NPHP1: variants seen among roughly 807,000 people sequenced by gnomAD.
The protein encoded by NPHP1 is nephrocystin-1.
Under a neutral mutation model 90.4 loss-of-function variants are expected in NPHP1, and 70 were observed. The observed-to-expected ratio is 0.77, with a 90% CI of 0.64 to 0.95. The LOEUF (loss-of-function observed/expected upper bound fraction) is 0.95. Ranked by LOEUF, NPHP1 falls within the 40% of genes least tolerant of loss-of-function variation. The pLI is 0.00. For synonymous variants in NPHP1, 256 were observed against 271.7 expected, an observed-to-expected ratio of 0.94 and a Z score of 0.57; for missense variants, 764 against 795.9, an observed-to-expected ratio of 0.96 and a Z score of 0.48.
chr2:110,131,520 C>T (rs1184846057), intron 17 of NPHP1, among the ~76,000 whole-genome samples, 159 bp downstream of exon 17: 2 of 152,146 alleles, frequency 1.3e-5, no homozygotes, highest in Non-Finnish European at 2.9e-5. Flanking sequence ...TGCTTTGGAT[C>T]TGAAGATGTC....
chr2:110,201,863 T>C (rs1224607320), intron 1 of NPHP1, among the ~76,000 whole-genome samples: 1 of 152,160 alleles, frequency 6.6e-6, no homozygotes, highest in Non-Finnish European at 1.5e-5. Flanking sequence ...TGCATACATC[T>C]GTGTAACCAA....
chr2:110,123,949 T>G lies in NPHP1; in HGVS notation c.1876A>C (p.Thr626Pro). 6.2e-7 allele frequency: 1 copy of G among 1,614,164 alleles called. No homozygotes were observed. Among genetic ancestry groups the G allele is most frequent in the South Asian group, 1.1e-5 (1 of 91,082 alleles). Residue 626 changes from threonine (T) to proline (P), a missense_variant, in exon 20 of 20, where the codon ACT (threonine) becomes CCT (proline). Coordinates refer to ENST00000445609, the MANE Select transcript of NPHP1 (RefSeq NM_001128178.3). ...PFRWAEEETETARWKVITDFL... is the reference protein window; with the variant it reads ...PFRWAEEETEPARWKVITDFL... ...TCAGTGATAACTTTCCACCGTGCAG[T>G]CTCAGTCTCTTCTTCTGCCCACCTG...
At chr2:110,155,890 T>G (rs1243009004) in intron 11 of NPHP1, among the ~76,000 whole-genome samples, 1 of 152,058 alleles carries the variant, frequency 6.6e-6, no homozygotes, top group African/African-American at 2.4e-5. Flanking sequence ...TTTGGGGGAC[T>G]GTTGAGAAGG....
chr2:110,173,104 A>C (rs1222472729), intron 4 of NPHP1, among the ~76,000 whole-genome samples: 3 of 151,590 alleles, frequency 2.0e-5, no homozygotes, highest in Non-Finnish European at 4.4e-5. Context: ...GACTACAGGC[A>C]TGCACCACCA....
At chr2:110,160,329 CT>C in intron 10 of NPHP1, 74 bp from the exon 11 acceptor site, 2 of 1,267,974 alleles carry the variant, frequency 1.6e-6, no homozygotes, top group Non-Finnish European at 1.1e-6. Context: ...GTGAATTCGG[CT>C]TATGAAAATG....
At chr2:110,196,509 G>T (rs1327764538) in intron 2 of NPHP1, among the ~76,000 whole-genome samples, 4 of 152,134 alleles carry the variant, frequency 2.6e-5, no homozygotes. Flanking sequence ...GAAACAACAA[G>T]TGCTGGAGAG....
At chr2:110,125,097 G>T in intron 19 of NPHP1, 1 of 1,189,196 alleles carries the variant, frequency 8.4e-7, no homozygotes, top group Non-Finnish European at 1.1e-6. Context: ...GTGTGACAGA[G>T]ACCACAAGAC....
intron 2 of NPHP1, among the ~76,000 whole-genome samples, chr2:110,181,585 C>T (rs1339940545): frequency 6.6e-6 from 1 of 150,380 alleles, no homozygotes; most frequent in Admixed American, 6.6e-5. Context: ...AAACAGAAAA[C>T]AACAACAACA....
chr2:110,146,839 G>C lies in NPHP1; in HGVS notation c.1270-4C>G, dbSNP rs151204566. On this transcript the variant is annotated splice_region_variant and splice_polypyrimidine_tract_variant and intron_variant, in intron 13 of 19. Transcript: ENST00000445609. ...ACTCTCCTCTTTCACCAGTTGACTA[G>C]GAAATAAGACAAGTATATGAAACTT... 6.2e-7 allele frequency: 1 copy of C among 1,608,984 alleles called. No homozygotes were observed.
chr2:110,189,268 T>C (rs563653032), intron 2 of NPHP1, among the ~76,000 whole-genome samples: 5 of 152,236 alleles, frequency 3.3e-5, no homozygotes, highest in African/African-American at 1.2e-4. Context: ...CAGTGAGTGT[T>C]ATAGTTCTTA....
At chr2:110,147,050 T>C (rs1462618885) in intron 13 of NPHP1, among the ~76,000 whole-genome samples, 2 of 152,158 alleles carry the variant, frequency 1.3e-5, no homozygotes, top group African/African-American at 4.8e-5. Flanking sequence ...TTTGTCAAAA[T>C]TGCTCTCGAA....
At chr2:110,129,144 T>C (rs1438849636) in intron 18 of NPHP1, 42 bp downstream of exon 18, 1 of 1,470,662 alleles carries the variant, frequency 6.8e-7, no homozygotes, top group East Asian at 2.3e-5. Context: ...TATAACTGCT[T>C]CCATAAGCCA....
chr2:110,184,693 C>G (rs995237831), intron 2 of NPHP1: 1 of 731,592 alleles, frequency 1.4e-6, no homozygotes, highest in South Asian at 1.4e-5. Context: ...GAGATTTCCA[C>G]TCATCCTTTG....
rs989265271 is a variant in NPHP1 at position 110,125,579 on chromosome 2, G to C, written c.1761+58C>G. ...CTAAAAAAGAGACATGATTAGAATAGGCAAGCAAACACCAGGTACTGCAAA... is the reference window on the plus strand; with the variant it reads ...CTAAAAAAGAGACATGATTAGAATACGCAAGCAAACACCAGGTACTGCAAA... On this transcript the variant is annotated intron_variant, in intron 19 of 19. Transcript: ENST00000445609. The C allele has an allele frequency of 9.6e-6, 14 of 1,455,096 alleles. 1 individual carries two copies. The highest frequency in any genetic ancestry group is 1.4e-5 in the Non-Finnish European group (14 of 1,035,148). The allele number at this position is 1,455,096 out of a possible 1,614,324, so 90.1% of individuals were successfully genotyped here.
At chr2:110,133,258 A>G (rs2104442924) in intron 16 of NPHP1, among the ~76,000 whole-genome samples, 1 of 152,250 alleles carries the variant, frequency 6.6e-6, no homozygotes, top group East Asian at 1.9e-4. Flanking sequence ...ATGTTTAGCC[A>G]TATTAATATC....
intron 11 of NPHP1, among the ~76,000 whole-genome samples, chr2:110,153,383 T>A (rs895099365): frequency 6.6e-6 from 1 of 152,088 alleles, no homozygotes; most frequent in African/African-American, 2.4e-5. Context: ...ACAATGGAAA[T>A]AGTAAAAATA....
At position 110,124,228 on chromosome 2, in the gene NPHP1, A is replaced by T. The variant is rs1679193988; in HGVS notation, c.1762-165T>A. 10 of 747,182 alleles carry T rather than the reference A, an allele frequency of 1.3e-5. No homozygotes were observed. The Admixed American group carries it at 1.8e-4, about 14-fold the overall frequency. 46.3% of individuals were successfully genotyped at this position (747,182 alleles called of 1,614,324 possible). ...GCTCAGGCAGGACATGGCACTTCAG[A>T]AGTGGAAGTGAGCAGAGTTACACAG... On this transcript the variant is annotated intron_variant, in intron 19 of 19. Transcript: ENST00000445609.
At chr2:110,191,083 G>A (rs1684692660) in intron 2 of NPHP1, among the ~76,000 whole-genome samples, 1 of 152,166 alleles carries the variant, frequency 6.6e-6, no homozygotes, top group Non-Finnish European at 1.5e-5. Flanking sequence ...AGCTCCCAGA[G>A]TGAGTGACGC....
At chr2:110,156,762 G>C in intron 11 of NPHP1, among the ~76,000 whole-genome samples, 1 of 149,624 alleles carries the variant, frequency 6.7e-6, no homozygotes. Context: ...TTGTGTGTGT[G>C]TATGTGTTTT....
Sources: allele counts gnomAD v4.1 joint callset (sites outside exome capture counted in the v4.1 genomes callset), GRCh38; gene constraint gnomAD v4.1.1; transcripts MANE v1.5; gene names NCBI Gene and HGNC (gene_info 2026-07-23, HGNC 2026-07-21).